The following GMCL1 variants were observed in gnomAD, a reference collection of about 807,000 sequenced individuals.
GMCL1 encodes the protein germ cell-less 1, spermatogenesis associated, also known as germ cell-less protein-like 1.
GMCL1 carries 54 observed loss-of-function variants against 75.5 expected under a neutral mutation model. The observed-to-expected ratio is 0.71, with a 90% confidence interval of 0.57 to 0.90. GMCL1 has a LOEUF of 0.90. Among genes scored for constraint, GMCL1 ranks in the 40% least tolerant of loss-of-function variants. GMCL1 has a pLI of 0.00. For missense variants in GMCL1, 537 were observed against 622.7 expected (o/e 0.86, Z 1.47); for synonymous variants, 210 against 209.6 (o/e 1.00, Z -0.02).
Position 69,829,990 on chromosome 2 carries a change from A to G in GMCL1, c.98A>G (p.Asp33Gly), listed in dbSNP as rs892311150. Reference protein sequence around the residue: ...ARAGGSARRPDTGDDAAGHGF... With the variant: ...ARAGGSARRPGTGDDAAGHGF... ...GCGGGGGGCTCGGCCCGGAGGCCGGACACTGGAGACGATGCGGCGGGCCAC... is the reference window on the plus strand; with the variant it reads ...GCGGGGGGCTCGGCCCGGAGGCCGGGCACTGGAGACGATGCGGCGGGCCAC... The change falls in exon 1 of 14, where the codon GAC becomes GGC. Residue 33 changes from aspartate (D) to glycine (G), a missense_variant. Asp to Gly is a moderately conservative substitution (Grantham distance 94, BLOSUM62 -1). Coordinates refer to ENST00000282570, the MANE Select transcript of GMCL1 (RefSeq NM_178439.5). The G allele has an allele frequency of 2.5e-6, 4 of 1,580,094 alleles. No homozygotes were observed. In the African/African-American group the frequency reaches 5.4e-5, roughly 21 times the overall value.
intron 9 of GMCL1, among the ~76,000 whole-genome samples, chr2:69,859,322 A>AAT (rs34562235): frequency 0.034 from 5,005 of 149,360 alleles, 101 homozygotes; most frequent in African/African-American, 0.046. Context: ...ATCAGCTTTA[A>AAT]ATATATATAT....
chr2:69,831,703 A>G (rs1674677251), intron 1 of GMCL1, among the ~76,000 whole-genome samples: 1 of 152,018 alleles, frequency 6.6e-6, no homozygotes, highest in Non-Finnish European at 1.5e-5. Context: ...ACCTCACAGA[A>G]TCAGGCAATT....
At chr2:69,865,239 T>C (rs374737011) in intron 11 of GMCL1, among the ~76,000 whole-genome samples, 21 of 152,304 alleles carry the variant, frequency 1.4e-4, no homozygotes, top group African/African-American at 4.8e-4. Context: ...ATCCAGAAAT[T>C]AAGATAAAGA....
chr2:69,839,396 G>A (rs909834463), intron 2 of GMCL1, 61 bp from the exon 3 acceptor site: 4 of 992,954 alleles, frequency 4.0e-6, no homozygotes, highest in East Asian at 4.9e-5. Flanking sequence ...TTAGAAATGG[G>A]CAAATAATTT....
chr2:69,850,041 A>G (rs905724475), intron 8 of GMCL1, among the ~76,000 whole-genome samples: 3 of 152,182 alleles, frequency 2.0e-5, no homozygotes, highest in African/African-American at 4.8e-5. Flanking sequence ...CCATTTTATC[A>G]CTAACAGATC....
intron 8 of GMCL1, among the ~76,000 whole-genome samples, chr2:69,851,692 G>C (rs187360313): frequency 2.6e-3 from 397 of 152,224 alleles, no homozygotes; most frequent in Non-Finnish European, 4.2e-3. Context: ...GACCCTGGGG[G>C]TGTCAGGGCT....
intron 2 of GMCL1, among the ~76,000 whole-genome samples, chr2:69,838,336 C>CAAAAAAAAAAAAAAAAAAAAAAAA (rs71397366): frequency 3.2e-5 from 1 of 31,524 alleles, no homozygotes; most frequent in Non-Finnish European, 6.2e-5. Flanking sequence ...GACTCTGTCT[C>CAAAAAAAAAAAAAAAAAAAAAAAA]AAAAAAAAAA....
rs1362346170 is a variant in GMCL1, at chr2:69,836,440, C to T, written c.261-1107C>T. Among the ~76,000 whole-genome samples the T allele has an allele frequency of 7.9e-5, 12 of 152,248 alleles. No individual in the cohort carries two copies. The East Asian group carries it at 2.3e-3, about 29-fold the overall frequency. On this transcript the variant is annotated intron_variant, in intron 1 of 13. Transcript: ENST00000282570. The stretch of plus-strand genomic sequence containing the variant: ...ATTGTCTCTTGATTTCGCATCATAA[C>T]GAGTGAAGTGGATACTATTAATGTC...
chr2:69,878,139 C>A (rs1454598375), intron 13 of GMCL1, among the ~76,000 whole-genome samples: 37 of 152,116 alleles, frequency 2.4e-4, no homozygotes, highest in Admixed American at 2.4e-3. Context: ...TCTGGGAGTT[C>A]TGAGCATTCT....
chr2:69,880,120 G>C lies in GMCL1; in HGVS notation c.*1116G>C, dbSNP rs1427818726. 1 of 152,088 alleles carries C rather than the reference G, an allele frequency of 6.6e-6. No homozygotes were observed. Among genetic ancestry groups the C allele is most frequent in the Non-Finnish European group, 1.5e-5 (1 of 67,996 alleles). 9.4% of individuals were successfully genotyped at this position (152,088 alleles called of 1,614,324 possible). Reference sequence around the variant, plus strand: ...ATGTTGACCTTTTGTGTTTATTACTGTTTTGAAAATAGCCATGTTCATTTT... The same window carrying C: ...ATGTTGACCTTTTGTGTTTATTACTCTTTTGAAAATAGCCATGTTCATTTT... On this transcript the variant is annotated 3_prime_UTR_variant, in exon 14 of 14. Transcript: ENST00000282570.
At chr2:69,868,716 A>T (rs1382184752) in intron 11 of GMCL1, among the ~76,000 whole-genome samples, 1 of 147,936 alleles carries the variant, frequency 6.8e-6, no homozygotes, top group Non-Finnish European at 1.5e-5. Context: ...CCCAGCCCTT[A>T]AGAGTATTTT....
At chr2:69,863,719 T>C (rs907078999) in intron 10 of GMCL1, among the ~76,000 whole-genome samples, 5 of 152,200 alleles carry the variant, frequency 3.3e-5, no homozygotes, top group African/African-American at 1.2e-4. Flanking sequence ...ACAAGAGCAG[T>C]TGAAACTTTT....
Position 69,864,951 on chromosome 2 carries a change from T to G in GMCL1, c.1194T>G (p.Gly398=), listed in dbSNP as rs1271753816. 1 of 1,613,442 alleles carries G rather than the reference T, an allele frequency of 6.2e-7. No individual in the cohort carries two copies. Among genetic ancestry groups the G allele is most frequent in the Non-Finnish European group, 8.5e-7 (1 of 1,179,592 alleles). The change falls in exon 11 of 14, where the codon GGT becomes GGG. Residue 398 remains glycine (G), a synonymous_variant. Transcript: ENST00000282570. ...EELEGNSMRC[G]RKLAKDGEYC... ...TAGAGGGAAACAGCATGAGGTGTGG[T>G]AGAAAGCTTGCCAAAGATGGTGAAG...
Position 69,829,834 on chromosome 2 carries a change from G to A in GMCL1, c.-59G>A. ...TCGGGGAAGGCTGGCGGCGGCGGCC[G>A]AGCCATGGCGGGAGACCCCCTTCTC... On this transcript the variant is annotated 5_prime_UTR_variant, in exon 1 of 14. Transcript: ENST00000282570. The A allele has an allele frequency of 6.8e-7, 1 of 1,477,720 alleles. No homozygotes were observed. The highest frequency in any genetic ancestry group is 8.9e-7 in the Non-Finnish European group (1 of 1,120,512). 91.5% of individuals were successfully genotyped at this position (1,477,720 alleles called of 1,614,324 possible).
intron 1 of GMCL1, among the ~76,000 whole-genome samples, chr2:69,837,308 T>C (rs1674847346): frequency 6.6e-6 from 1 of 152,136 alleles, no homozygotes; most frequent in South Asian, 2.1e-4. Context: ...TGCCCCCCTT[T>C]CTCCACTATC....
At chr2:69,868,601 T>A (rs930099403) in intron 11 of GMCL1, among the ~76,000 whole-genome samples, 2 of 150,768 alleles carry the variant, frequency 1.3e-5, no homozygotes, top group Non-Finnish European at 1.5e-5. Flanking sequence ...TTAGTAGAGA[T>A]GGGGTTTCGC....
At chr2:69,872,682 C>T (rs1676016196) in intron 13 of GMCL1, among the ~76,000 whole-genome samples, 1 of 152,142 alleles carries the variant, frequency 6.6e-6, no homozygotes, top group African/African-American at 2.4e-5. Flanking sequence ...CTAACTGACC[C>T]CCATCTTACA....
chr2:69,861,379 A>G, intron 10 of GMCL1, 32 bp downstream of exon 10: 1 of 1,417,808 alleles, frequency 7.1e-7, no homozygotes, highest in Non-Finnish European at 9.7e-7. Context: ...ATTTTTCATT[A>G]AAAAAATTTG....
At chr2:69,840,714 C>G (rs536864645) in intron 3 of GMCL1, among the ~76,000 whole-genome samples, 2 of 152,272 alleles carry the variant, frequency 1.3e-5, no homozygotes, top group Non-Finnish European at 2.9e-5. Context: ...AAGAATGCAG[C>G]TAGATTTGGT....
Sources: allele counts gnomAD v4.1 joint callset (sites outside exome capture counted in the v4.1 genomes callset), GRCh38; gene constraint gnomAD v4.1.1; transcripts MANE v1.5; gene names NCBI Gene and HGNC (gene_info 2026-07-23, HGNC 2026-07-21).